FAHD2A: variants seen among roughly 807,000 people sequenced by gnomAD.
FAHD2A encodes the protein oxaloacetate tautomerase FAHD2A, mitochondrial.
FAHD2A carries 27 observed loss-of-function variants against 33.4 expected under a neutral mutation model. The ratio of observed to expected loss-of-function variants is 0.81; its 90% CI spans 0.60 to 1.11. The LOEUF is 1.11. Among genes scored for constraint, FAHD2A ranks in the 50% most tolerant of loss-of-function variants. FAHD2A has a pLI of 0.00. For synonymous variants in FAHD2A, 130 were observed against 153.3 expected, an observed-to-expected ratio of 0.85 and a Z score of 1.12; for missense variants, 296 against 395.0, an observed-to-expected ratio of 0.75 and a Z score of 2.12.
chr2:95,408,650 C>T (rs571663089), intron 3 of FAHD2A, among the ~76,000 whole-genome samples: 16 of 152,276 alleles, frequency 1.1e-4, no homozygotes, highest in East Asian at 5.8e-4. Flanking sequence ...GAGAACAGCA[C>T]GGGAAAGACC....
Position 95,416,232 on chromosome 2 carries a change from G to A in FAHD2A, c.*3275G>A, listed in dbSNP as rs2551308. 66 of 152,362 alleles carry A rather than the reference G, an allele frequency of 4.3e-4. No homozygotes were observed. The highest frequency in any genetic ancestry group is 1.4e-3 in the African/African-American group (60 of 41,560). 9.4% of individuals were successfully genotyped at this position (152,362 alleles called of 1,614,324 possible). A position where few individuals can be genotyped will look rare whatever the true frequency, so the allele number is the denominator to read the frequency against. ...GCTCCCCAAGCCTCCCTTTCCTACTGTTATATCCTTAAAGTGCCTCTGAGG... is the reference window on the plus strand; with the variant it reads ...GCTCCCCAAGCCTCCCTTTCCTACTATTATATCCTTAAAGTGCCTCTGAGG... On this transcript the variant is annotated 3_prime_UTR_variant, in exon 8 of 8. Coordinates refer to ENST00000233379, the MANE Select transcript of FAHD2A (RefSeq NM_016044.3).
rs184707202 is a variant in FAHD2A at position 95,416,526 on chromosome 2, G to A, written c.*3569G>A. 4 of 152,344 alleles carry A rather than the reference G, an allele frequency of 2.6e-5. No homozygotes were observed. The highest frequency in any genetic ancestry group is 9.6e-5 in the African/African-American group (4 of 41,580). 9.4% of individuals were successfully genotyped at this position (152,344 alleles called of 1,614,324 possible). A position where few individuals can be genotyped will look rare whatever the true frequency, so the allele number is the denominator to read the frequency against. On this transcript the variant is annotated 3_prime_UTR_variant, in exon 8 of 8. Transcript: ENST00000233379. ...TGCAGCTGTCAGCTCCCTGTGCCTAGCCTGGACCTCAGCTCATGTCTAGCA... is the reference window on the plus strand; with the variant it reads ...TGCAGCTGTCAGCTCCCTGTGCCTAACCTGGACCTCAGCTCATGTCTAGCA...
chr2:95,403,505 G>C (rs1256415049), intron 1 of FAHD2A, among the ~76,000 whole-genome samples: 1 of 152,186 alleles, frequency 6.6e-6, no homozygotes. Flanking sequence ...GATCTCCTGT[G>C]GGAGGTCCCT....
chr2:95,414,057 A>G lies in FAHD2A; in HGVS notation c.*1100A>G, dbSNP rs1432662840. On this transcript the variant is annotated 3_prime_UTR_variant, in exon 8 of 8. Transcript: ENST00000233379. ...AGTGAAGGCTCTAGGTAGGGAGGAC[A>G]GGGAGACACTGGGCACAGGCTTCTC... is the stretch of plus-strand genomic sequence containing the variant. 1.4e-6 allele frequency: 2 copies of G among 1,421,168 alleles called. No individual in the cohort carries two copies. The highest frequency in any genetic ancestry group is 4.6e-5 in the East Asian group (2 of 43,854). 88.0% of individuals were successfully genotyped at this position (1,421,168 alleles called of 1,614,324 possible). A position where few individuals can be genotyped will look rare whatever the true frequency, so the allele number is the denominator to read the frequency against.
In FAHD2A at chr2:95,405,598, C is replaced by T; in HGVS notation, c.40C>T (p.Leu14=). 4.3e-6 allele frequency: 7 copies of T among 1,614,018 alleles called. No homozygotes were observed. Among genetic ancestry groups the T allele is most frequent in the African/African-American group, 1.3e-5 (1 of 75,062 alleles). Residue 14 remains leucine (L), a synonymous_variant, in exon 2 of 8, where the codon CTG becomes TTG. Coordinates refer to ENST00000233379, the MANE Select transcript of FAHD2A (RefSeq NM_016044.3). ...TAGAAGAAGGTTACTCACAGTTCTG[C>T]TGCAGGCTCAGAAGTGGCCCTTTCA... is the stretch of plus-strand genomic sequence containing the variant. ...SGRRRLLTVL[L]QAQKWPFQPS... is the part of the protein sequence containing the mutation.
Position 95,402,737 on chromosome 2 carries a change from G to T in FAHD2A, c.-142G>T, listed in dbSNP as rs1359257272. 1.3e-5 allele frequency: 2 copies of T among 152,338 alleles called. No homozygotes were observed. Among genetic ancestry groups the T allele is most frequent in the African/African-American group, 4.8e-5 (2 of 41,462 alleles). 9.4% of individuals were successfully genotyped at this position (152,338 alleles called of 1,614,324 possible). On this transcript the variant is annotated 5_prime_UTR_variant, in exon 1 of 8. Coordinates refer to ENST00000233379, the MANE Select transcript of FAHD2A (RefSeq NM_016044.3). ...TTCTCTCGGGTGATCCGGCCGAGTGGCCCTGGGTTAGCAGCTGCTGCATTT... is the reference window on the plus strand; with the variant it reads ...TTCTCTCGGGTGATCCGGCCGAGTGTCCCTGGGTTAGCAGCTGCTGCATTT...
At chr2:95,406,074 A>G (rs558459755) in intron 2 of FAHD2A, among the ~76,000 whole-genome samples, 8,411 of 149,962 alleles carry the variant, frequency 0.056, 642 homozygotes, top group African/African-American at 0.18. Flanking sequence ...ACTTCATCAC[A>G]CTGCCTCCTC....
At chr2:95,417,224 C>T (rs1573597163), downstream of FAHD2A, among the ~76,000 whole-genome samples, 1 of 152,252 alleles carries the variant, frequency 6.6e-6, no homozygotes, top group African/African-American at 2.4e-5. Flanking sequence ...CAAAGCAGCT[C>T]ATCCCTGAGT....
chr2:95,407,278 G>A, intron 3 of FAHD2A, 121 bp downstream of exon 3: 1 of 1,431,170 alleles, frequency 7.0e-7, no homozygotes, highest in South Asian at 1.3e-5. Context: ...AAACTCTACA[G>A]GATTGTACAC....
rs1464000133 is a variant in FAHD2A, at chr2:95,407,019, G to A, written c.324G>A (p.Val108=). The change falls in exon 3 of 8, where the codon GTG becomes GTA. Residue 108 remains valine, a synonymous_variant. Coordinates refer to ENST00000233379, the MANE Select transcript of FAHD2A (RefSeq NM_016044.3). ...CTCCAGTCACACGACCAGATAAGGT[G>A]GTGTGTGTGGGCATGAATTATGTGG... ...FLAPVTRPDK[V]VCVGMNYVDH... The A allele has an allele frequency of 8.1e-6, 13 of 1,613,814 alleles. No individual in the cohort carries two copies. The highest frequency in any genetic ancestry group is 1.0e-5 in the Non-Finnish European group (12 of 1,179,872).
rs1434396588 is a variant in FAHD2A, at chr2:95,414,459, C to T, written c.*1502C>T. 1 of 528,366 alleles carries T rather than the reference C, an allele frequency of 1.9e-6. No individual in the cohort carries two copies. The highest frequency in any genetic ancestry group is 3.4e-5 in the East Asian group (1 of 29,248). The allele number at this position is 528,366 out of a possible 1,614,324, so 32.7% of individuals were successfully genotyped here. The stretch of plus-strand genomic sequence containing the variant: ...TCTCAGTTCCTCCACTGCTTCGTCC[C>T]AGATTCTGTTTTTGTTTTCCTGAAT... On this transcript the variant is annotated 3_prime_UTR_variant, in exon 8 of 8. Transcript: ENST00000233379.
intron 2 of FAHD2A, among the ~76,000 whole-genome samples, chr2:95,406,719 G>GT (rs1254426300): frequency 6.6e-6 from 1 of 152,212 alleles, no homozygotes; most frequent in Non-Finnish European, 1.5e-5. Context: ...ATGGACATGA[G>GT]TTACCTAAGG....
chr2:95,410,844 C>A lies in FAHD2A; in HGVS notation c.523-20C>A. 1.2e-6 allele frequency: 2 copies of A among 1,613,522 alleles called. No homozygotes were observed. The highest frequency in any genetic ancestry group is 1.7e-6 in the Non-Finnish European group (2 of 1,179,578). The stretch of plus-strand genomic sequence containing the variant: ...CCCATGATCTAACCTCCTGTATGGC[C>A]AAATCCCCTGCCCCCATAGGCCACA... On this transcript the variant is annotated intron_variant, in intron 4 of 7. Transcript: ENST00000233379.
chr2:95,410,264 C>T (rs530198705), intron 3 of FAHD2A, among the ~76,000 whole-genome samples: 18 of 152,334 alleles, frequency 1.2e-4, no homozygotes, highest in African/African-American at 4.3e-4. Context: ...GCCCTGGACA[C>T]GTGTTGCTCT....
chr2:95,418,892 C>G (rs1486442592), downstream of FAHD2A, among the ~76,000 whole-genome samples: 1 of 152,050 alleles, frequency 6.6e-6, no homozygotes, highest in East Asian at 1.9e-4. Flanking sequence ...CAGGTGTAAT[C>G]AAGTTAAGAT....
chr2:95,419,753 A>G (rs1419034206), downstream of FAHD2A, among the ~76,000 whole-genome samples: 1 of 152,064 alleles, frequency 6.6e-6, no homozygotes, highest in African/African-American at 2.4e-5. Context: ...AGAGATATAT[A>G]CATAGATATA....
At chr2:95,419,263 G>T (rs1278256667), downstream of FAHD2A, among the ~76,000 whole-genome samples, 2 of 152,056 alleles carry the variant, frequency 1.3e-5, no homozygotes, top group Admixed American at 6.5e-5. Context: ...TAAGAAATGT[G>T]TTCATGAAGA....
intron 5 of FAHD2A, among the ~76,000 whole-genome samples, chr2:95,411,538 G>A (rs1389848958): frequency 1.3e-5 from 2 of 152,224 alleles, no homozygotes; most frequent in African/African-American, 4.8e-5. Context: ...TGGAGGTGGG[G>A]GGTGTCCACA....
At position 95,411,515 on chromosome 2, in the gene FAHD2A, C is replaced by T. The variant is rs192009186; in HGVS notation, c.685+489C>T. On this transcript the variant is annotated intron_variant, in intron 5 of 7. Coordinates refer to ENST00000233379, the MANE Select transcript of FAHD2A (RefSeq NM_016044.3). Reference sequence around the variant, plus strand: ...CAGAGCGCAGCCTCTTACACAGCCACCCACAACTGTGGTGGAGGTGGGGGG... The same window carrying T: ...CAGAGCGCAGCCTCTTACACAGCCATCCACAACTGTGGTGGAGGTGGGGGG... 1.7e-3 allele frequency among the ~76,000 whole-genome samples: 255 copies of T among 152,378 alleles called. 1 individual carries two copies. The highest frequency in any genetic ancestry group is 2.9e-3 in the Admixed American group (45 of 15,314).
Sources: gnomAD v4.1 joint callset for allele counts (sites outside exome capture counted in the v4.1 genomes callset) on GRCh38, gnomAD v4.1.1 for gene constraint, MANE v1.5 for transcripts, NCBI Gene and HGNC (gene_info 2026-07-23, HGNC 2026-07-21) for gene names.